POU6F2: variants seen among roughly 807,000 people sequenced by gnomAD.
POU6F2 encodes the protein POU domain, class 6, transcription factor 2.
A neutral mutation model predicts 71.3 loss-of-function variants in POU6F2; 31 were observed. The ratio of observed to expected loss-of-function variants is 0.43; its 90% CI spans 0.33 to 0.59. The LOEUF is 0.59. Among genes scored for constraint, POU6F2 ranks in the 20% least tolerant of loss-of-function variants. The pLI is 0.04. For synonymous variants in POU6F2, 347 were observed against 355.7 expected, an observed-to-expected ratio of 0.98 and a Z score of 0.27; for missense variants, 783 against 856.8, an observed-to-expected ratio of 0.91 and a Z score of 1.07.
At chr7:39,085,413 G>A (rs372283489) in intron 1 of POU6F2, among the ~76,000 whole-genome samples, 1 of 151,994 alleles carries the variant, frequency 6.6e-6, no homozygotes, top group East Asian at 1.9e-4. Context: ...AAAATAGCCC[G>A]TGGTTCCTCC....
At position 39,096,744 on chromosome 7, in the gene POU6F2, C is replaced by T. The variant is rs565860262; in HGVS notation, c.277+10713C>T. Among the ~76,000 whole-genome samples the T allele has an allele frequency of 9.8e-3, 1,197 of 121,956 alleles. 5 individuals are homozygous for T. The highest frequency in any genetic ancestry group is 0.023 in the South Asian group (92 of 4,032). 80.0% of individuals were successfully genotyped at this position (121,956 alleles called of 152,430 possible). A position where few individuals can be genotyped will look rare whatever the true frequency, so the allele number is the denominator to read the frequency against. ...TTATTTGGTAATACACTTTTGCAGC[C>T]TAGAAAAAAAAAATGACTTAAAATT... On this transcript the variant is annotated intron_variant, in intron 2 of 9. Transcript: ENST00000518318.
intron 1 of POU6F2, among the ~76,000 whole-genome samples, chr7:39,007,197 C>A (rs1789098732): frequency 6.6e-6 from 1 of 152,110 alleles, no homozygotes. Context: ...CATAAATAAT[C>A]TTTTATGGAA....
chr7:39,289,474 A>G (rs1263047591), intron 4 of POU6F2, among the ~76,000 whole-genome samples: 1 of 149,364 alleles, frequency 6.7e-6, no homozygotes, highest in East Asian at 2.0e-4. Flanking sequence ...GCGGGACTTC[A>G]TTTTTTTTTT....
At chr7:39,079,180 C>CTTTTTTTTTTTTTTTTTTTTTTTTTTTT in intron 1 of POU6F2, among the ~76,000 whole-genome samples, 1 of 79,306 alleles carries the variant, frequency 1.3e-5, no homozygotes, top group Non-Finnish European at 2.2e-5. Flanking sequence ...CTCACAATAT[C>CTTTTTTTTTTTTTTTTTTTTTTTTTTTT]TTTTTTTTTT....
chr7:39,020,440 G>A (rs999522462), intron 1 of POU6F2, among the ~76,000 whole-genome samples: 7 of 152,094 alleles, frequency 4.6e-5, no homozygotes, highest in Admixed American at 1.3e-4. Flanking sequence ...CAGAATTACA[G>A]CATTGAGGAC....
intron 2 of POU6F2, among the ~76,000 whole-genome samples, chr7:39,107,687 C>G (rs922746926): frequency 6.6e-6 from 1 of 152,076 alleles, no homozygotes; most frequent in African/African-American, 2.4e-5. Context: ...CCCCCCGCCC[C>G]CTACAACACA....
intron 1 of POU6F2, among the ~76,000 whole-genome samples, chr7:39,064,273 G>C (rs750794672): frequency 6.6e-6 from 1 of 151,892 alleles, no homozygotes; most frequent in Non-Finnish European, 1.5e-5. Flanking sequence ...GTTGTATAAA[G>C]CTACAGAAAC....
At chr7:39,027,508 G>A (rs1268454309) in intron 1 of POU6F2, among the ~76,000 whole-genome samples, 1 of 152,148 alleles carries the variant, frequency 6.6e-6, no homozygotes, top group Non-Finnish European at 1.5e-5. Flanking sequence ...AGGGAGGAAG[G>A]GCTGTTCCCT....
chr7:39,194,858 G>A (rs939224330), intron 2 of POU6F2, among the ~76,000 whole-genome samples: 6 of 152,086 alleles, frequency 3.9e-5, no homozygotes, highest in African/African-American at 1.2e-4. Context: ...AATTCTGGAC[G>A]TGCCACCTTT....
At chr7:39,418,929 G>GTGTATA (rs1366159460) in intron 6 of POU6F2, among the ~76,000 whole-genome samples, 3 of 139,950 alleles carry the variant, frequency 2.1e-5, no homozygotes, top group Non-Finnish European at 3.0e-5. Context: ...ATGTATATAT[G>GTGTATA]TATATATGTG....
intron 1 of POU6F2, among the ~76,000 whole-genome samples, chr7:38,979,167 C>T (rs1788251783): frequency 1.3e-5 from 2 of 150,708 alleles, no homozygotes; most frequent in South Asian, 4.2e-4. Context: ...AACTCATAAA[C>T]CAGACTATGG....
chr7:39,006,907 T>G, intron 1 of POU6F2: 1 of 1,586,264 alleles, frequency 6.3e-7, no homozygotes, highest in African/African-American at 1.3e-5. Flanking sequence ...CAATAGGAAA[T>G]TTCCACAAAT....
At chr7:39,311,879 C>A (rs1290026056) in intron 4 of POU6F2, among the ~76,000 whole-genome samples, 2 of 152,070 alleles carry the variant, frequency 1.3e-5, no homozygotes, top group African/African-American at 4.8e-5. Context: ...TTAAACAAGA[C>A]CTCAAAGAGG....
At chr7:39,256,335 A>G (rs566256462) in intron 4 of POU6F2, among the ~76,000 whole-genome samples, 1 of 152,300 alleles carries the variant, frequency 6.6e-6, no homozygotes, top group African/African-American at 2.4e-5. Context: ...AAGCATAGGA[A>G]GACCGGGGTA....
intron 1 of POU6F2, among the ~76,000 whole-genome samples, chr7:39,035,189 G>C (rs1221760777): frequency 1.3e-5 from 2 of 151,988 alleles, no homozygotes; most frequent in Non-Finnish European, 2.9e-5. Context: ...TGCAAAGCTA[G>C]AAGAGTTCCG....
At chr7:39,051,969 G>A (rs1790408554) in intron 1 of POU6F2, among the ~76,000 whole-genome samples, 1 of 152,136 alleles carries the variant, frequency 6.6e-6, no homozygotes, top group South Asian at 2.1e-4. Context: ...CGATTCACCT[G>A]TCACGTACTC....
At chr7:39,102,721 A>G (rs949870452) in intron 2 of POU6F2, among the ~76,000 whole-genome samples, 8 of 152,174 alleles carry the variant, frequency 5.3e-5, no homozygotes, top group African/African-American at 1.9e-4. Flanking sequence ...ATACATTCTG[A>G]GAAATGTGTT....
rs146180706 is a variant in POU6F2, at chr7:39,424,439, A to G, written c.1114-8638A>G. On this transcript the variant is annotated intron_variant, in intron 6 of 9. Coordinates refer to ENST00000518318, the MANE Select transcript of POU6F2 (RefSeq NM_001370959.1). ...CTTAAGTAATCCAGAACTTTCCAGTATGCTTTTCATTATGCCAATATATAA... is the reference window on the plus strand; with the variant it reads ...CTTAAGTAATCCAGAACTTTCCAGTGTGCTTTTCATTATGCCAATATATAA... Among the ~76,000 whole-genome samples the G allele has an allele frequency of 1.1e-4, 16 of 152,332 alleles. No homozygotes were observed. The East Asian group carries it at 2.9e-3, about 28-fold the overall frequency.
chr7:39,016,773 T>C (rs1584501661), intron 1 of POU6F2, among the ~76,000 whole-genome samples: 1 of 152,014 alleles, frequency 6.6e-6, no homozygotes, highest in Non-Finnish European at 1.5e-5. Context: ...AAGACGGCGT[T>C]AAGCGTGCTC....
Sources: allele counts gnomAD v4.1 joint callset (sites outside exome capture counted in the v4.1 genomes callset), GRCh38; gene constraint gnomAD v4.1.1; transcripts MANE v1.5; gene names NCBI Gene and HGNC (gene_info 2026-07-23, HGNC 2026-07-21).